Variants in ZBED6 observed in about 807,000 individuals in gnomAD.
ZBED6 encodes zinc finger BED-type containing 6.
ZBED6 carries 40 observed loss-of-function variants against 58.4 expected under a neutral mutation model. The ratio of observed to expected loss-of-function variants is 0.68; its 90% CI spans 0.53 to 0.89. The LOEUF (loss-of-function observed/expected upper bound fraction) is 0.89. Among genes scored for constraint, ZBED6 ranks in the 40% least tolerant of loss-of-function variants. The pLI is 0.00. For synonymous variants in ZBED6, 439 were observed against 350.6 expected (o/e 1.25, Z -2.82); for missense variants, 1,057 against 1,003.9 (o/e 1.05, Z -0.71).
In ZBED6 at chr1:203,814,256, G is replaced by A. The variant is rs150022971; in HGVS notation, c.*2555-2670G>A. ...GAATAACCTTTCCGGCCAGGCGCTG[G>A]CTCACACCTGTAATCCCAGCACTTT... On this transcript the variant is annotated intron_variant, in intron 1 of 16. Coordinates refer to ENST00000550078, the Ensembl canonical transcript of ZBED6. Among the ~76,000 whole-genome samples the A allele has an allele frequency of 4.3e-3, 659 of 152,268 alleles. 3 individuals carry two copies. Among genetic ancestry groups the A allele is most frequent in the Non-Finnish European group, 5.1e-3 (345 of 68,022 alleles).
exon 17 of ZBED6, chr1:203,852,267 C>G: frequency 6.2e-7 from 1 of 1,613,698 alleles, no homozygotes; most frequent in Non-Finnish European, 8.5e-7. Context: ...AGCCCCCACT[C>G]TCTGTGGAGG....
intron 1 of ZBED6, among the ~76,000 whole-genome samples, chr1:203,807,783 G>T (rs530536945): frequency 6.6e-6 from 1 of 151,934 alleles, no homozygotes; most frequent in Non-Finnish European, 1.5e-5. Flanking sequence ...GCTCTGTTGC[G>T]CAGACCAGAG....
chr1:203,819,201 A>C (rs996493831), intron 3 of ZBED6, among the ~76,000 whole-genome samples: 7 of 148,162 alleles, frequency 4.7e-5, no homozygotes, highest in Non-Finnish European at 8.9e-5. Flanking sequence ...ACTTTCCTCT[A>C]TGCAATTTTT....
At chr1:203,800,729 C>G (rs1670309927) in exon 1 of ZBED6, 1 of 267,758 alleles carries the variant, frequency 3.7e-6, no homozygotes, top group East Asian at 7.1e-5. Flanking sequence ...TATAGTGCAG[C>G]ATTGAAAGGC....
rs765026358 is a variant in ZBED6, at chr1:203,851,150, C to CA, written c.*4873+29dup. On this transcript the variant is annotated intron_variant, in intron 16 of 16. Transcript: ENST00000550078. ...GTAATACTTTGTAATTCTTTCTAAA[C>CA]AAACTCCAGGCCCCTGTTACTGTTT... 1.4e-5 allele frequency: 23 copies of CA among 1,609,026 alleles called. No homozygotes were observed. In the South Asian group the frequency reaches 2.5e-4, roughly 18 times the overall value.
At chr1:203,799,934 A>C (rs1670017050) in exon 1 of ZBED6, 11 of 1,536,126 alleles carry the variant, frequency 7.2e-6, no homozygotes, top group Non-Finnish European at 9.6e-6. Context: ...ATTATATGGA[A>C]TCTTCACCAG....
chr1:203,800,246 C>T, exon 1 of ZBED6: 1 of 1,197,386 alleles, frequency 8.4e-7, no homozygotes, highest in South Asian at 1.3e-5. Flanking sequence ...ATCTAAGTTG[C>T]CCCATGTGTA....
intron 1 of ZBED6, chr1:203,806,396 G>T (rs540963022): frequency 4.2e-4 from 76 of 181,488 alleles, no homozygotes; most frequent in Admixed American, 1.2e-3. Context: ...CTGCCTTCCG[G>T]GTTCAAGCGA....
chr1:203,853,421 C>T (rs1347889269), exon 17 of ZBED6: 2 of 152,406 alleles, frequency 1.3e-5, no homozygotes, highest in African/African-American at 4.8e-5. Context: ...TATTGTATAC[C>T]TGCCAGTTTT....
intron 3 of ZBED6, among the ~76,000 whole-genome samples, chr1:203,827,966 T>C (rs1681103052): frequency 6.6e-6 from 1 of 152,186 alleles, no homozygotes; most frequent in South Asian, 2.1e-4. Flanking sequence ...GGCCAATAAG[T>C]AACATAATAG....
At position 203,831,654 on chromosome 1, in the gene ZBED6, T is replaced by A; in HGVS notation, c.*3400-7T>A. ...TTATTTGCTGTTCTTTGACTTGCCT[T>A]ATTCAGAGGGTTCTTCAGGAGTTTC... On this transcript the variant is annotated splice_polypyrimidine_tract_variant and splice_region_variant and intron_variant, in intron 7 of 16. Coordinates refer to ENST00000550078, the Ensembl canonical transcript of ZBED6. 1 of 1,609,084 alleles carries A rather than the reference T, an allele frequency of 6.2e-7. No homozygotes were observed. Among genetic ancestry groups the A allele is most frequent in the Non-Finnish European group, 8.5e-7 (1 of 1,177,358 alleles).
At chr1:203,807,160 C>G (rs546181509) in intron 1 of ZBED6, among the ~76,000 whole-genome samples, 4 of 152,270 alleles carry the variant, frequency 2.6e-5, no homozygotes, top group African/African-American at 9.6e-5. Flanking sequence ...CAGGCATGAG[C>G]TACCATTCCT....
intron 1 of ZBED6, among the ~76,000 whole-genome samples, chr1:203,815,183 G>A (rs1301942641): frequency 7.1e-6 from 1 of 141,464 alleles, no homozygotes; most frequent in African/African-American, 2.6e-5. Flanking sequence ...TAGGTTTCTA[G>A]ATGTTATTTC....
At chr1:203,850,957 G>A (rs1689103130) in intron 15 of ZBED6, 100 bp from the exon 16 acceptor site, 12 of 1,397,550 alleles carry the variant, frequency 8.6e-6, no homozygotes, top group Non-Finnish European at 1.1e-5. Context: ...CAGGCTTAAA[G>A]AATCATAGCC....
chr1:203,842,351 C>T (rs924168611), intron 11 of ZBED6, among the ~76,000 whole-genome samples: 1 of 152,204 alleles, frequency 6.6e-6, no homozygotes, highest in African/African-American at 2.4e-5. Context: ...AATCCCGGCA[C>T]CTCGGGAGGC....
At chr1:203,805,514 T>C in intron 1 of ZBED6, 1 of 479,212 alleles carries the variant, frequency 2.1e-6, no homozygotes, top group Middle Eastern at 6.6e-4. Flanking sequence ...TAATTAAACT[T>C]TCCTTCAAAG....
At chr1:203,822,798 C>G (rs531660380) in intron 3 of ZBED6, among the ~76,000 whole-genome samples, 2 of 152,264 alleles carry the variant, frequency 1.3e-5, no homozygotes, top group East Asian at 3.9e-4. Context: ...GGATACCTTC[C>G]TATTCTCAGT....
At chr1:203,829,396 G>T in intron 4 of ZBED6, 55 bp from the exon 5 acceptor site, 4 of 1,589,288 alleles carry the variant, frequency 2.5e-6, no homozygotes, top group Non-Finnish European at 3.4e-6. Context: ...GGAATTTTTG[G>T]TAAGTTGGGG....
At chr1:203,836,488 G>A (rs541942837) in intron 9 of ZBED6, among the ~76,000 whole-genome samples, 47 of 152,296 alleles carry the variant, frequency 3.1e-4, no homozygotes, top group African/African-American at 1.1e-3. Context: ...GGTAGCTTAC[G>A]CCTGTAATCC....
Sources: gnomAD v4.1 joint callset for allele counts (sites outside exome capture counted in the v4.1 genomes callset) on GRCh38, gnomAD v4.1.1 for gene constraint, MANE v1.5 for transcripts, NCBI Gene and HGNC (gene_info 2026-07-23, HGNC 2026-07-21) for gene names.